F10: variants seen among roughly 807,000 people sequenced by gnomAD.
The protein encoded by F10 is coagulation factor X, also known as Stuart-Prower factor.
F10 carries 29 observed loss-of-function variants against 37.1 expected under a neutral mutation model. The observed-to-expected ratio is 0.78, with a 90% CI of 0.58 to 1.07. The LOEUF (loss-of-function observed/expected upper bound fraction) is 1.07. Ranked by LOEUF, F10 falls within the 50% of genes least tolerant of loss-of-function variation. The pLI, the probability that F10 is intolerant of heterozygous loss-of-function variation, is 0.00. For synonymous variants in F10, 262 were observed against 268.6 expected, an observed-to-expected ratio of 0.98 and a Z score of 0.24; for missense variants, 539 against 667.9, an observed-to-expected ratio of 0.81 and a Z score of 2.13.
chr13:113,143,745 G>GTAT lies in F10; in HGVS notation c.503-106_503-105insTAT. Reference sequence around the variant, plus strand: ...GCCCGCTGCCCCTCCGGGTGCCCCTGCGCTCTGCCTCCCGGCTCTCTGACT... The same window carrying GTAT: ...GCCCGCTGCCCCTCCGGGTGCCCCTGTATCGCTCTGCCTCCCGGCTCTCTGACT... On this transcript the variant is annotated intron_variant, in intron 5 of 7. Coordinates refer to ENST00000375559, the MANE Select transcript of F10 (RefSeq NM_000504.4). The surrounding 1 kb of genome is among the most constrained non-coding windows in gnomAD (Gnocchi z 6.8). 1 of 1,566,858 alleles carries GTAT rather than the reference G, an allele frequency of 6.4e-7. No homozygotes were observed. Among genetic ancestry groups the GTAT allele is most frequent in the African/African-American group, 1.3e-5 (1 of 74,198 alleles).
rs1016370507 is a variant in F10, at chr13:113,141,587, C to T, written c.502+537C>T. ...TTCCTTGATGAATGTGGACAACAGG[C>T]GGCCAGAGGGCAGTGAGCACAGGAC... On this transcript the variant is annotated intron_variant, in intron 5 of 7. Transcript: ENST00000375559. This position sits in a 1 kb window ranked among gnomAD's most constrained non-coding sequence, Gnocchi z 5.4. Among the ~76,000 whole-genome samples, 4 of 152,156 alleles carry T rather than the reference C, an allele frequency of 2.6e-5. No individual in the cohort carries two copies. Among genetic ancestry groups the T allele is most frequent in the Admixed American group, 1.3e-4 (2 of 15,282 alleles).
At position 113,144,154 on chromosome 13, in the gene F10, T is replaced by G; in HGVS notation, c.747+59T>G. The G allele has an allele frequency of 6.2e-7, 1 of 1,608,452 alleles. No homozygotes were observed. On this transcript the variant is annotated intron_variant, in intron 6 of 7. Coordinates refer to ENST00000375559, the MANE Select transcript of F10 (RefSeq NM_000504.4). The surrounding 1 kb of genome is among the most constrained non-coding windows in gnomAD (Gnocchi z 6.4). Reference sequence around the variant, plus strand: ...GAGACCACCTGTCCCGCTGTGCACCTCGGGGAGGCCAGCCTGACACTTGGA... The same window carrying G: ...GAGACCACCTGTCCCGCTGTGCACCGCGGGGAGGCCAGCCTGACACTTGGA...
chr13:113,136,681 C>T (rs1251567766), intron 2 of F10, among the ~76,000 whole-genome samples: 1 of 21,770 alleles, frequency 4.6e-5, no homozygotes, highest in African/African-American at 1.1e-4. Flanking sequence ...GACGGAGTCT[C>T]GCTCTGTCGC....
chr13:113,148,236 C>G (rs1466677142), intron 7 of F10, among the ~76,000 whole-genome samples: 1 of 150,716 alleles, frequency 6.6e-6, no homozygotes, highest in Non-Finnish European at 1.5e-5. Context: ...GAAGCTGAGG[C>G]AGGAGAACCA....
At chr13:113,147,574 G>A in intron 7 of F10, 78 bp downstream of exon 7, 2 of 891,008 alleles carry the variant, frequency 2.2e-6, no homozygotes, top group Non-Finnish European at 3.8e-6. Context: ...TAAAGCTGAT[G>A]GAATTTGTTG....
chr13:113,131,352 T>C (rs112014148), intron 2 of F10: 1 of 152,188 alleles, frequency 6.6e-6, no homozygotes, highest in Non-Finnish European at 1.5e-5. Flanking sequence ...CATGATCTCA[T>C]TGAAATCCAA....
At chr13:113,129,322 G>A (rs2036402246) in intron 1 of F10, 130 bp from the exon 2 acceptor site, 1 of 1,200,322 alleles carries the variant, frequency 8.3e-7, no homozygotes, top group Non-Finnish European at 1.2e-6. Flanking sequence ...TTTATTTTTG[G>A]TTTACAAGAG....
chr13:113,139,229 T>C lies in F10; in HGVS notation c.257-128T>C. The C allele has an allele frequency of 2.7e-6, 2 of 727,670 alleles. No homozygotes were observed. The highest frequency in any genetic ancestry group is 2.4e-6 in the Non-Finnish European group (1 of 414,950). 45.1% of individuals were successfully genotyped at this position (727,670 alleles called of 1,614,324 possible). ...CAAATAAAGTCCAAAGAGGGGGAGTTGTTTACAGAGAAACCGGAAGACTCT... is the reference window on the plus strand; with the variant it reads ...CAAATAAAGTCCAAAGAGGGGGAGTCGTTTACAGAGAAACCGGAAGACTCT... On this transcript the variant is annotated intron_variant, in intron 3 of 7. Transcript: ENST00000375559. The surrounding 1 kb of genome is among the most constrained non-coding windows in gnomAD (Gnocchi z 5.2).
In F10 at chr13:113,149,067, G is replaced by A. The variant is rs764999398; in HGVS notation, c.1017G>A (p.Ala339=). Residue 339 remains alanine, a synonymous_variant, in exon 8 of 8, where the codon GCG becomes GCA. Coordinates refer to ENST00000375559, the MANE Select transcript of F10 (RefSeq NM_000504.4). This position sits in a 1 kb window ranked among gnomAD's most constrained non-coding sequence, Gnocchi z 7.5. ...CCATCACCTTCCGCATGAACGTGGC[G>A]CCTGCCTGCCTCCCCGAGCGTGACT... is the stretch of plus-strand genomic sequence containing the variant. The part of the protein sequence containing the change: ...KTPITFRMNV[A]PACLPERDWA... 1.7e-5 allele frequency: 27 copies of A among 1,613,112 alleles called. No individual in the cohort carries two copies. The Admixed American group carries it at 2.2e-4, about 13-fold the overall frequency.
Position 113,143,921 on chromosome 13 carries a change from C to A in F10, c.573C>A (p.Ser191Arg). Reference protein sequence around the residue: ...KRSVAQATSSSGEAPDSITWK... With the variant: ...KRSVAQATSSRGEAPDSITWK... Reference sequence around the variant, plus strand: ...CAGTGGCCCAGGCCACCAGCAGCAGCGGGGAGGCCCCTGACAGCATCACAT... The same window carrying A: ...CAGTGGCCCAGGCCACCAGCAGCAGAGGGGAGGCCCCTGACAGCATCACAT... Residue 191 changes from serine to arginine, a missense_variant, in exon 6 of 8, where the codon AGC (serine) becomes AGA (arginine). This residue lies in a region of F10 where 409 missense variants were observed against 547.9 expected (regional missense o/e 0.75). Transcript: ENST00000375559. The surrounding 1 kb of genome is among the most constrained non-coding windows in gnomAD (Gnocchi z 6.8). 6.2e-7 allele frequency: 1 copy of A among 1,613,332 alleles called. No individual in the cohort carries two copies. Among genetic ancestry groups the A allele is most frequent in the Non-Finnish European group, 8.5e-7 (1 of 1,180,004 alleles).
rs1196225357 is a variant in F10 at position 113,144,948 on chromosome 13, G to A, written c.747+853G>A. On this transcript the variant is annotated intron_variant, in intron 6 of 7. Transcript: ENST00000375559. This position sits in a 1 kb window ranked among gnomAD's most constrained non-coding sequence, Gnocchi z 6.4. Reference sequence around the variant, plus strand: ...GGCTGGAGTGCAGTGGCGCGATCTCGGCTCACTGCAACCTCCACCTCCCAG... The same window carrying A: ...GGCTGGAGTGCAGTGGCGCGATCTCAGCTCACTGCAACCTCCACCTCCCAG... 1.3e-5 allele frequency among the ~76,000 whole-genome samples: 2 copies of A among 151,640 alleles called. No individual in the cohort carries two copies. The highest frequency in any genetic ancestry group is 2.1e-4 in the South Asian group (1 of 4,808).
Position 113,146,619 on chromosome 13 carries a change from T to C in F10, c.748-760T>C, listed in dbSNP as rs1027384045. ...GTAAGCTGGATGATGAGTTGACAAA[T>C]TATGCAAAAAAGAGGCAAAAACATG... On this transcript the variant is annotated intron_variant, in intron 6 of 7. Transcript: ENST00000375559. This position sits in a 1 kb window ranked among gnomAD's most constrained non-coding sequence, Gnocchi z 4.5. 1.2e-4 allele frequency among the ~76,000 whole-genome samples: 18 copies of C among 152,190 alleles called. No homozygotes were observed. Among genetic ancestry groups the C allele is most frequent in the Admixed American group, 9.2e-4 (14 of 15,274 alleles).
chr13:113,140,780 G>A, intron 4 of F10, 139 bp from the exon 5 acceptor site: 2 of 1,297,570 alleles, frequency 1.5e-6, no homozygotes, highest in Non-Finnish European at 2.2e-6. Flanking sequence ...AAGTGTACCT[G>A]TCGCCTGGCT....
chr13:113,145,094 AT>A (rs1380145735), intron 6 of F10, among the ~76,000 whole-genome samples: 19 of 152,194 alleles, frequency 1.2e-4, no homozygotes, highest in Non-Finnish European at 1.8e-4. Context: ...GTTAGCCAGG[AT>A]GGTCTCCATC....
At chr13:113,136,448 CTT>C (rs148780771) in intron 2 of F10, among the ~76,000 whole-genome samples, 61 of 144,494 alleles carry the variant, frequency 4.2e-4, no homozygotes, top group African/African-American at 1.0e-3. Context: ...CAACTCTAGT[CTT>C]TTTTTTTTTT....
chr13:113,135,460 C>T (rs566639072), intron 2 of F10, among the ~76,000 whole-genome samples: 16 of 152,284 alleles, frequency 1.1e-4, no homozygotes, highest in East Asian at 3.9e-4. Context: ...GCTTCCAAGA[C>T]GGTGCCTCAT....
At chr13:113,129,733 T>C (rs2036410534) in intron 2 of F10, 121 bp downstream of exon 2, 2 of 1,339,974 alleles carry the variant, frequency 1.5e-6, no homozygotes, top group African/African-American at 2.9e-5. Flanking sequence ...GCGCGAAGGC[T>C]TTCAGGGGCG....
rs984382521 is a variant in F10 at position 113,139,733 on chromosome 13, T to G, written c.370+263T>G. Among the ~76,000 whole-genome samples the G allele has an allele frequency of 6.6e-6, 1 of 151,988 alleles. No homozygotes were observed. Among genetic ancestry groups the G allele is most frequent in the South Asian group, 2.1e-4 (1 of 4,800 alleles). On this transcript the variant is annotated intron_variant, in intron 4 of 7. Coordinates refer to ENST00000375559, the MANE Select transcript of F10 (RefSeq NM_000504.4). This position sits in a 1 kb window ranked among gnomAD's most constrained non-coding sequence, Gnocchi z 5.2. ...CTCCTCCGAGAGAGACTGTAGAACA[T>G]TGATGAAGCGTGTGATCCATTCATG...
rs148921637 is a variant in F10 at position 113,143,075 on chromosome 13, G to A, written c.503-776G>A. On this transcript the variant is annotated intron_variant, in intron 5 of 7. Transcript: ENST00000375559. The surrounding 1 kb of genome is among the most constrained non-coding windows in gnomAD (Gnocchi z 6.8). Reference sequence around the variant, plus strand: ...ATTCACCGGAGCCTCCTCAGACTGCGCAGGAGCACAGCAAGTAAACAGCTA... The same window carrying A: ...ATTCACCGGAGCCTCCTCAGACTGCACAGGAGCACAGCAAGTAAACAGCTA... Among the ~76,000 whole-genome samples the A allele has an allele frequency of 9.9e-4, 150 of 152,218 alleles. No individual in the cohort carries two copies. The highest frequency in any genetic ancestry group is 3.4e-3 in the Middle Eastern group (1 of 292).
Sources: gnomAD v4.1 joint callset for allele counts (sites outside exome capture counted in the v4.1 genomes callset) on GRCh38, gnomAD v4.1.1 for gene constraint, gnomAD v4.1.1 regional missense constraint, Gnocchi (gnomAD v3.1) non-coding constraint, MANE v1.5 for transcripts, NCBI Gene and HGNC (gene_info 2026-07-23, HGNC 2026-07-21) for gene names.